Variants in ZNF599 observed in about 807,000 individuals in gnomAD.
ZNF599 encodes the protein zinc finger protein 599.
In ZNF599, 10 loss-of-function variants were observed where a neutral mutation model predicts 11.7. The observed-to-expected ratio is 0.86, with a 90% CI of 0.53 to 1.45. The LOEUF (loss-of-function observed/expected upper bound fraction) is 1.45, where lower values mean the gene tolerates loss of function less well. ZNF599 is among the 40% of genes most tolerant of loss of function. The probability of loss-of-function intolerance (pLI) is 0.00; values close to 1 mark genes in which losing one functional copy is unlikely to be tolerated. For missense variants in ZNF599, 688 were observed against 713.6 expected (o/e 0.96, Z 0.41); for synonymous variants, 232 against 253.2 (o/e 0.92, Z 0.79).
chr19:34,772,448 G>T, intron 1 of ZNF599: 1 of 1,086,204 alleles, frequency 9.2e-7, no homozygotes, highest in Non-Finnish European at 1.1e-6. Flanking sequence ...TTCAAAGACG[G>T]CACCTAGAGT....
the ZNF599 span, among the ~76,000 whole-genome samples, chr19:34,799,722 T>C: frequency 6.6e-6 from 1 of 152,188 alleles, no homozygotes; most frequent in Admixed American, 6.5e-5. Flanking sequence ...GGCCTCCCCT[T>C]TTCCTTTCTC....
chr19:34,770,342 TCAC>T (rs573464552), intron 1 of ZNF599, among the ~76,000 whole-genome samples: 171 of 152,340 alleles, frequency 1.1e-3, no homozygotes, highest in East Asian at 1.2e-3. Flanking sequence ...TACTCCTCCA[TCAC>T]CACAGTGAAT....
At chr19:34,787,786 A>G in the ZNF599 span, among the ~76,000 whole-genome samples, 1 of 152,194 alleles carries the variant, frequency 6.6e-6, no homozygotes, top group African/African-American at 2.4e-5. Context: ...GTGAATACCA[A>G]ATTAATTAAG....
chr19:34,768,364 A>G (rs2069158640), intron 2 of ZNF599, among the ~76,000 whole-genome samples: 1 of 152,234 alleles, frequency 6.6e-6, no homozygotes, highest in Non-Finnish European at 1.5e-5. Context: ...TTGTCATAAA[A>G]TAACACCACG....
the ZNF599 span, among the ~76,000 whole-genome samples, chr19:34,791,634 A>C: frequency 1.3e-5 from 2 of 152,174 alleles, no homozygotes; most frequent in Admixed American, 6.5e-5. Context: ...ATTTTAACCT[A>C]ATACAACCTA....
chr19:34,778,684 T>C, the ZNF599 span, among the ~76,000 whole-genome samples: 1 of 152,240 alleles, frequency 6.6e-6, no homozygotes, highest in Non-Finnish European at 1.5e-5. Flanking sequence ...TAGCTTTACA[T>C]TGTAAACAGC....
At chr19:34,780,536 G>GA in the ZNF599 span, among the ~76,000 whole-genome samples, 1 of 149,232 alleles carries the variant, frequency 6.7e-6, no homozygotes, top group South Asian at 2.1e-4. Context: ...AGGAAGGAAG[G>GA]AAAAAAGGAA....
the ZNF599 span, among the ~76,000 whole-genome samples, chr19:34,784,018 G>A: frequency 6.6e-6 from 1 of 152,202 alleles, no homozygotes; most frequent in African/African-American, 2.4e-5. Context: ...AAGACCCCCT[G>A]TATTCATCTC....
chr19:34,769,419 G>A lies in ZNF599; in HGVS notation c.145+10C>T. ...TGGGTCCCCTACATGGGAGGGTAAT[G>A]AGGTCTTACCCAGTGAGACCAGGAG... is the stretch of plus-strand genomic sequence containing the variant. On this transcript the variant is annotated intron_variant, in intron 2 of 3. Coordinates refer to ENST00000329285, the MANE Select transcript of ZNF599 (RefSeq NM_001007248.3). The A allele has an allele frequency of 6.2e-7, 1 of 1,614,062 alleles. No homozygotes were observed. Among genetic ancestry groups the A allele is most frequent in the Non-Finnish European group, 8.5e-7 (1 of 1,179,972 alleles).
At chr19:34,791,971 G>C in the ZNF599 span, 1 of 152,226 alleles carries the variant, frequency 6.6e-6, no homozygotes, top group East Asian at 1.9e-4. Flanking sequence ...ATGACGCTCT[G>C]TATTCAGTAT....
the ZNF599 span, among the ~76,000 whole-genome samples, chr19:34,792,299 G>A: frequency 2.0e-5 from 3 of 152,146 alleles, no homozygotes; most frequent in East Asian, 1.9e-4. Flanking sequence ...AGAACCACCT[G>A]GGGATGCCTT....
the ZNF599 span, among the ~76,000 whole-genome samples, chr19:34,799,929 C>T: frequency 5.9e-5 from 9 of 152,368 alleles, no homozygotes; most frequent in East Asian, 5.8e-4. Context: ...TTCCACTCTA[C>T]ATACTTGTCA....
the ZNF599 span, among the ~76,000 whole-genome samples, chr19:34,806,380 G>A: frequency 7.6e-6 from 1 of 130,830 alleles, no homozygotes; most frequent in African/African-American, 2.8e-5. Context: ...CTTCCTCCAA[G>A]CAGCTTTTGG....
At chr19:34,777,228 G>GATATTTAAATATATTTAAT (rs1335395678), upstream of ZNF599, among the ~76,000 whole-genome samples, 3 of 133,046 alleles carry the variant, frequency 2.3e-5, no homozygotes, top group African/African-American at 8.4e-5. Context: ...ATTTGCTCTG[G>GATATTTAAATATATTTAAT]ATATTTAAAT....
chr19:34,783,169 A>G, the ZNF599 span, among the ~76,000 whole-genome samples: 6 of 152,246 alleles, frequency 3.9e-5, no homozygotes, highest in Non-Finnish European at 8.8e-5. Flanking sequence ...GATGATGTAC[A>G]GACAACTGCC....
At chr19:34,788,898 T>C in the ZNF599 span, among the ~76,000 whole-genome samples, 2 of 152,230 alleles carry the variant, frequency 1.3e-5, no homozygotes, top group East Asian at 3.8e-4. Flanking sequence ...TTAGAATGAC[T>C]AATCTAGCTA....
the ZNF599 span, among the ~76,000 whole-genome samples, chr19:34,798,688 T>C: frequency 6.6e-6 from 1 of 152,254 alleles, no homozygotes; most frequent in Non-Finnish European, 1.5e-5. Context: ...CACCTTTCCC[T>C]CTACTCCCTC....
intron 1 of ZNF599, among the ~76,000 whole-genome samples, chr19:34,771,576 C>A (rs1377472141): frequency 6.6e-6 from 1 of 152,028 alleles, no homozygotes; most frequent in East Asian, 1.9e-4. Flanking sequence ...AGAGATCTGG[C>A]GACAATGTGA....
At chr19:34,777,410 A>T (rs1271958211), upstream of ZNF599, among the ~76,000 whole-genome samples, 6 of 91,268 alleles carry the variant, frequency 6.6e-5, no homozygotes, top group Admixed American at 1.7e-4. Context: ...TATTATATAT[A>T]ATATATATTA....
Sources: allele counts gnomAD v4.1 joint callset (sites outside exome capture counted in the v4.1 genomes callset), GRCh38; gene constraint gnomAD v4.1.1; transcripts MANE v1.5; gene names NCBI Gene and HGNC (gene_info 2026-07-23, HGNC 2026-07-21).